ROBO2: variants seen among roughly 807,000 people sequenced by gnomAD.
ROBO2 encodes the protein roundabout guidance receptor 2, also known as roundabout homolog 2.
In ROBO2, 53 loss-of-function variants were observed where a neutral mutation model predicts 160.8. The ratio of observed to expected loss-of-function variants is 0.33; its 90% CI spans 0.26 to 0.41. ROBO2 has a LOEUF of 0.41. Ranked by LOEUF, ROBO2 falls within the 10% of genes least tolerant of loss-of-function variation. The pLI is 1.00. For missense variants in ROBO2, 1,577 were observed against 1,722.4 expected (o/e 0.92, Z 1.49); for synonymous variants, 664 against 611.7 (o/e 1.09, Z -1.26).
At chr3:77,502,613 C>T (rs1169310667) in intron 5 of ROBO2, among the ~76,000 whole-genome samples, 1 of 152,072 alleles carries the variant, frequency 6.6e-6, no homozygotes, top group Admixed American at 6.5e-5. Flanking sequence ...GTGATTGGCC[C>T]TCTCCATCTA....
intron 2 of ROBO2, among the ~76,000 whole-genome samples, chr3:76,372,134 G>T (rs1412935449): frequency 6.6e-6 from 1 of 151,724 alleles, no homozygotes; most frequent in Admixed American, 6.6e-5. Context: ...CAATAAAATT[G>T]TATATTTCCC....
chr3:77,290,078 A>G (rs1179619011), intron 2 of ROBO2, among the ~76,000 whole-genome samples: 2 of 151,134 alleles, frequency 1.3e-5, no homozygotes, highest in Non-Finnish European at 3.0e-5. Context: ...GACATAAAGT[A>G]AAATTGACGG....
intron 5 of ROBO2, among the ~76,000 whole-genome samples, chr3:77,520,169 G>A (rs2090450157): frequency 1.3e-5 from 2 of 151,244 alleles, no homozygotes; most frequent in South Asian, 4.1e-4. Flanking sequence ...AATATTTGCT[G>A]AATATGAAAT....
intron 2 of ROBO2, among the ~76,000 whole-genome samples, chr3:76,254,781 A>G (rs1706254318): frequency 6.6e-6 from 1 of 151,944 alleles, no homozygotes; most frequent in Non-Finnish European, 1.5e-5. Flanking sequence ...GGGAACATCA[A>G]TAAGATCCGT....
intron 2 of ROBO2, among the ~76,000 whole-genome samples, chr3:77,431,155 G>A (rs2078730809): frequency 6.6e-6 from 1 of 152,204 alleles, no homozygotes; most frequent in African/African-American, 2.4e-5. Context: ...TGGCTCCTGA[G>A]TTTCAGCCGG....
chr3:77,316,295 C>G (rs58600040), intron 2 of ROBO2, among the ~76,000 whole-genome samples: 8,324 of 152,100 alleles, frequency 0.055, 710 homozygotes, highest in African/African-American at 0.18. Flanking sequence ...CGATGAACTG[C>G]GGTGGGAACA....
intron 2 of ROBO2, among the ~76,000 whole-genome samples, chr3:76,009,277 G>A (rs1198060067): frequency 6.6e-6 from 1 of 151,928 alleles, no homozygotes; most frequent in Non-Finnish European, 1.5e-5. Flanking sequence ...TAATTTTTTC[G>A]TATTTTTAGT....
chr3:77,602,487 C>T, exon 20 of ROBO2: 1 of 1,614,070 alleles, frequency 6.2e-7, no homozygotes, highest in Non-Finnish European at 8.5e-7. Flanking sequence ...ACAAAGGTAA[C>T]AATGGTGAGT....
intron 2 of ROBO2, among the ~76,000 whole-genome samples, chr3:76,201,500 C>T (rs1702525444): frequency 6.6e-6 from 1 of 152,120 alleles, no homozygotes; most frequent in Non-Finnish European, 1.5e-5. Flanking sequence ...CAAAGTATGT[C>T]ACTAATGTGC....
chr3:76,768,945 A>G (rs2061725432), intron 2 of ROBO2, among the ~76,000 whole-genome samples: 1 of 151,462 alleles, frequency 6.6e-6, no homozygotes. Flanking sequence ...CAAAAGTACA[A>G]TCTTTTTAAT....
chr3:76,360,222 G>T (rs546063598), intron 2 of ROBO2, among the ~76,000 whole-genome samples: 1 of 152,094 alleles, frequency 6.6e-6, no homozygotes, highest in South Asian at 2.1e-4. Context: ...CTAAAGTTTA[G>T]ATCTCTTTTC....
At chr3:76,904,712 A>G (rs955424554) in intron 2 of ROBO2, among the ~76,000 whole-genome samples, 5 of 152,282 alleles carry the variant, frequency 3.3e-5, no homozygotes, top group Admixed American at 2.0e-4. Context: ...TTGGTCCTGA[A>G]TCCCTGCTCT....
rs148002782 is a variant in ROBO2 at position 77,289,384 on chromosome 3, C to A, written c.389-188030C>A. ...TAAGCTGAGACTAGATCACCCCAGACATAAAGTAAAATTGACGTTTAAACG... is the reference window on the plus strand; with the variant it reads ...TAAGCTGAGACTAGATCACCCCAGAAATAAAGTAAAATTGACGTTTAAACG... On this transcript the variant is annotated intron_variant, in intron 2 of 25. Transcript: ENST00000461745. Among the ~76,000 whole-genome samples, 215 of 151,306 alleles carry A rather than the reference C, an allele frequency of 1.4e-3. 1 individual carries two copies. The highest frequency in any genetic ancestry group is 4.9e-3 in the African/African-American group (201 of 41,220).
At chr3:76,274,265 A>C (rs530729957) in intron 2 of ROBO2, among the ~76,000 whole-genome samples, 27 of 152,176 alleles carry the variant, frequency 1.8e-4, no homozygotes, top group Admixed American at 4.6e-4. Context: ...AACAACAAAA[A>C]AGAATTTTCA....
intron 2 of ROBO2, among the ~76,000 whole-genome samples, chr3:76,069,525 G>GGT (rs2068374037): frequency 6.7e-6 from 1 of 148,240 alleles, no homozygotes; most frequent in Non-Finnish European, 1.5e-5. Flanking sequence ...CTTATTGCTA[G>GGT]TTTTTTTTTT....
intron 2 of ROBO2, among the ~76,000 whole-genome samples, chr3:76,384,725 A>G (rs913742838): frequency 2.6e-5 from 4 of 152,242 alleles, no homozygotes; most frequent in Non-Finnish European, 5.9e-5. Flanking sequence ...AGGAGAGGGG[A>G]AAAGCCCCTT....
At chr3:77,557,162 T>C (rs1223856789) in intron 8 of ROBO2, among the ~76,000 whole-genome samples, 1 of 151,962 alleles carries the variant, frequency 6.6e-6, no homozygotes, top group Non-Finnish European at 1.5e-5. Flanking sequence ...ATTTCATAAA[T>C]AAAAAGCAAT....
chr3:76,594,185 GA>G (rs934315897), intron 2 of ROBO2, among the ~76,000 whole-genome samples: 106 of 152,016 alleles, frequency 7.0e-4, no homozygotes, highest in Non-Finnish European at 1.1e-3. Context: ...AATATAATAA[GA>G]GGCTATTTTT....
Position 76,537,287 on chromosome 3 carries a change from C to T in ROBO2, c.110-560727C>T, listed in dbSNP as rs186565858. ...CACCTCAGACCATTTGCCAATTTTTCGACAAAAATTATCTAAGTCTTGTAG... is the reference window on the plus strand; with the variant it reads ...CACCTCAGACCATTTGCCAATTTTTTGACAAAAATTATCTAAGTCTTGTAG... On this transcript the variant is annotated intron_variant, in intron 2 of 26. Coordinates refer to the ROBO2 transcript ENST00000487694. Among the ~76,000 whole-genome samples the T allele has an allele frequency of 2.6e-5, 4 of 152,114 alleles. No individual in the cohort carries two copies. The East Asian group carries it at 5.8e-4, about 22-fold the overall frequency.
Sources: gnomAD v4.1 joint callset for allele counts (sites outside exome capture counted in the v4.1 genomes callset) on GRCh38, gnomAD v4.1.1 for gene constraint, MANE v1.5 for transcripts, NCBI Gene and HGNC (gene_info 2026-07-23, HGNC 2026-07-21) for gene names.